FBXO25: variants seen among roughly 807,000 people sequenced by gnomAD.
The protein encoded by FBXO25 is F-box only protein 25.
Under a neutral mutation model 51.9 loss-of-function variants are expected in FBXO25, and 45 were observed. That is an observed-to-expected ratio of 0.87 (90% CI 0.68 to 1.11). The LOEUF is 1.11. Among genes scored for constraint, FBXO25 ranks in the 50% most tolerant of loss-of-function variants. FBXO25 has a pLI of 0.00. For missense variants in FBXO25, 507 were observed against 428.5 expected, an observed-to-expected ratio of 1.18 and a Z score of -1.62; for synonymous variants, 199 against 151.0, an observed-to-expected ratio of 1.32 and a Z score of -2.33.
At chr8:457,976 G>C (rs1301147069) in intron 7 of FBXO25, among the ~76,000 whole-genome samples, 1 of 152,226 alleles carries the variant, frequency 6.6e-6, no homozygotes, top group Non-Finnish European at 1.5e-5. Flanking sequence ...TGCTGGTGAT[G>C]GGTGTCATGT....
In FBXO25 at chr8:460,348, G is replaced by C. The variant is rs138615822; in HGVS notation, c.843+1797G>C. Among the ~76,000 whole-genome samples, 452 of 152,308 alleles carry C rather than the reference G, an allele frequency of 3.0e-3. 3 individuals are homozygous for C. Among genetic ancestry groups the C allele is most frequent in the African/African-American group, 0.01 (418 of 41,578 alleles). ...AATAGTTAAGTTGCAATTAGCACCTGCAGGTGCATCTCATTTGTACACATT... is the reference window on the plus strand; with the variant it reads ...AATAGTTAAGTTGCAATTAGCACCTCCAGGTGCATCTCATTTGTACACATT... On this transcript the variant is annotated intron_variant, in intron 8 of 9. Coordinates refer to ENST00000350302, the MANE Select transcript of FBXO25 (RefSeq NM_183420.2).
intron 5 of FBXO25, among the ~76,000 whole-genome samples, chr8:438,278 T>G (rs1798219129): frequency 6.6e-6 from 1 of 152,146 alleles, no homozygotes; most frequent in Non-Finnish European, 1.5e-5. Flanking sequence ...AGGCTCGTCT[T>G]GAACTCCTGA....
intron 9 of FBXO25, among the ~76,000 whole-genome samples, 197 bp downstream of exon 9, chr8:463,347 A>C (rs926900107): frequency 3.3e-5 from 5 of 152,250 alleles, no homozygotes; most frequent in Admixed American, 6.5e-5. Flanking sequence ...GAAACGCTGA[A>C]AACCAAAATG....
intron 2 of FBXO25, among the ~76,000 whole-genome samples, chr8:413,472 C>T (rs1486507527): frequency 2.6e-5 from 4 of 151,768 alleles, no homozygotes; most frequent in South Asian, 2.1e-4. Flanking sequence ...ATTTTTAATC[C>T]CACATTATAG....
At chr8:451,062 T>G in intron 6 of FBXO25, 1 of 453,894 alleles carries the variant, frequency 2.2e-6, no homozygotes, top group Non-Finnish European at 3.8e-6. Context: ...TTATTTCACT[T>G]TGCATAATGT....
chr8:452,766 A>G (rs576393100), intron 7 of FBXO25, among the ~76,000 whole-genome samples: 1 of 152,268 alleles, frequency 6.6e-6, no homozygotes, highest in Non-Finnish European at 1.5e-5. Flanking sequence ...CAGTGGAGAG[A>G]TGTGCACCGG....
intron 5 of FBXO25, among the ~76,000 whole-genome samples, chr8:442,657 A>AG (rs201556223): frequency 0.019 from 2,835 of 152,004 alleles, 72 homozygotes; most frequent in African/African-American, 0.065. Context: ...TTTAGTAGAG[A>AG]GGGGGTTTTG....
chr8:415,368 G>A (rs1796733762), intron 2 of FBXO25, among the ~76,000 whole-genome samples: 1 of 152,198 alleles, frequency 6.6e-6, no homozygotes, highest in South Asian at 2.1e-4. Context: ...TCTGGGGGCA[G>A]CCAGCCAGTT....
Position 472,004 on chromosome 8 carries a change from T to C in FBXO25, c.*3200T>C, listed in dbSNP as rs1800500554. 6.6e-6 allele frequency: 1 copy of C among 152,256 alleles called. No individual in the cohort carries two copies. Among genetic ancestry groups the C allele is most frequent in the African/African-American group, 2.4e-5 (1 of 41,472 alleles). The allele number at this position is 152,256 out of a possible 1,614,324, so 9.4% of individuals were successfully genotyped here. On this transcript the variant is annotated 3_prime_UTR_variant, in exon 10 of 10. Transcript: ENST00000350302. The stretch of plus-strand genomic sequence containing the variant: ...TAGATTCCTGATGCTGTGTACAAAA[T>C]CATGTCATCTATGAATAGACAGTTT...
intron 2 of FBXO25, among the ~76,000 whole-genome samples, chr8:426,367 A>C (rs1437917498): frequency 6.6e-6 from 1 of 152,070 alleles, no homozygotes; most frequent in Non-Finnish European, 1.5e-5. Context: ...TACTGAACCT[A>C]TTCTATTCTG....
intron 7 of FBXO25, among the ~76,000 whole-genome samples, chr8:455,455 T>C (rs1443433020): frequency 2.6e-5 from 4 of 152,104 alleles, no homozygotes; most frequent in Non-Finnish European, 5.9e-5. Context: ...TCACCACATA[T>C]TGAGGGGATG....
intron 2 of FBXO25, among the ~76,000 whole-genome samples, chr8:430,595 C>G (rs571787360): frequency 1.3e-5 from 2 of 152,198 alleles, no homozygotes; most frequent in African/African-American, 2.4e-5. Flanking sequence ...CTTGTCTCCA[C>G]AGAGCTTCCT....
intron 2 of FBXO25, among the ~76,000 whole-genome samples, chr8:418,127 G>C (rs984619402): frequency 1.3e-5 from 2 of 152,108 alleles, no homozygotes; most frequent in African/African-American, 4.8e-5. Flanking sequence ...AAATGCATCT[G>C]TGTGCCTTGT....
chr8:456,483 A>C (rs1384231679), intron 7 of FBXO25, among the ~76,000 whole-genome samples: 1 of 152,232 alleles, frequency 6.6e-6, no homozygotes, highest in Admixed American at 6.5e-5. Context: ...ACGTTTACTG[A>C]GAGCCTGCGG....
Position 472,885 on chromosome 8 carries a change from G to C in FBXO25, c.*4081G>C, listed in dbSNP as rs1262836833. The C allele has an allele frequency of 1.3e-5, 2 of 152,208 alleles. No homozygotes were observed. Among genetic ancestry groups the C allele is most frequent in the East Asian group, 1.9e-4 (1 of 5,198 alleles). The allele number at this position is 152,208 out of a possible 1,614,324, so 9.4% of individuals were successfully genotyped here. ...GAAGCAAGCCTGCCTTATGAAACTC[G>C]ACTTTTTAATCTCCCTCTCTTCATT... is the stretch of plus-strand genomic sequence containing the variant. On this transcript the variant is annotated 3_prime_UTR_variant, in exon 10 of 10. Transcript: ENST00000350302.
chr8:477,577 G>A lies in FBXO25; in HGVS notation c.*8773G>A, dbSNP rs1006825803. ...AACTATAAATGAAACAAGATTGGCC[G>A]GGAATTTGAGGCTGCAAGGATAGGT... On this transcript the variant is annotated 3_prime_UTR_variant, in exon 10 of 10. Transcript: ENST00000350302. 3.9e-5 allele frequency: 6 copies of A among 152,232 alleles called. No homozygotes were observed. The highest frequency in any genetic ancestry group is 2.1e-4 in the South Asian group (1 of 4,834). 9.4% of individuals were successfully genotyped at this position (152,232 alleles called of 1,614,324 possible). A position where few individuals can be genotyped will look rare whatever the true frequency, so the allele number is the denominator to read the frequency against.
At position 451,403 on chromosome 8, in the gene FBXO25, G is replaced by C. The variant is rs773998501; in HGVS notation, c.610G>C (p.Glu204Gln). 14 of 1,613,840 alleles carry C rather than the reference G, an allele frequency of 8.7e-6. No homozygotes were observed. The highest frequency in any genetic ancestry group is 1.3e-5 in the African/African-American group (1 of 74,902). Residue 204 changes from glutamate to glutamine, a missense_variant, in exon 7 of 10, where the codon GAA becomes CAA. Glu to Gln is a conservative substitution (Grantham distance 29). Transcript: ENST00000350302. Reference protein sequence around the residue: ...GNINIWICRLETILAWQQQLQ... With the variant: ...GNINIWICRLQTILAWQQQLQ... Reference sequence around the variant, plus strand: ...CATCAATATTTGGATTTGCCGATTAGAAACTATTCTCGCCTGGCAACAACA... The same window carrying C: ...CATCAATATTTGGATTTGCCGATTACAAACTATTCTCGCCTGGCAACAACA...
At chr8:424,763 G>A (rs1436342707) in intron 2 of FBXO25, among the ~76,000 whole-genome samples, 1 of 152,038 alleles carries the variant, frequency 6.6e-6, no homozygotes, top group Non-Finnish European at 1.5e-5. Context: ...TGGTTACTGG[G>A]GCTTTATAGT....
rs1800691919 is a variant in FBXO25, at chr8:477,960, T to C, written c.*9156T>C. The C allele has an allele frequency of 6.6e-6, 1 of 152,238 alleles. No individual in the cohort carries two copies. Among genetic ancestry groups the C allele is most frequent in the Non-Finnish European group, 1.5e-5 (1 of 68,036 alleles). The allele number at this position is 152,238 out of a possible 1,614,324, so 9.4% of individuals were successfully genotyped here. ...TTGACATTTTCCATTAAAAGTTATA[T>C]AACACTACTTTTTTGTACTCGTTAC... On this transcript the variant is annotated 3_prime_UTR_variant, in exon 10 of 10. Transcript: ENST00000350302.
Sources: allele counts gnomAD v4.1 joint callset (sites outside exome capture counted in the v4.1 genomes callset), GRCh38; gene constraint gnomAD v4.1.1; transcripts MANE v1.5; gene names NCBI Gene and HGNC (gene_info 2026-07-23, HGNC 2026-07-21).